The following TOX3 variants were observed in gnomAD, a reference collection of about 807,000 sequenced individuals.
TOX3 encodes TOX high mobility group box family member 3.
In TOX3, 22 loss-of-function variants were observed where a neutral mutation model predicts 64.3. That is an observed-to-expected ratio of 0.34 (90% CI 0.24 to 0.49). TOX3 has a LOEUF of 0.49. Among genes scored for constraint, TOX3 ranks in the 20% least tolerant of loss-of-function variants. The probability of loss-of-function intolerance (pLI) is 0.99; values close to 1 mark genes in which losing one functional copy is unlikely to be tolerated. For synonymous variants in TOX3, 291 were observed against 273.6 expected (o/e 1.06, Z -0.63); for missense variants, 661 against 714.4 (o/e 0.93, Z 0.85).
chr16:52,517,160 A>T (rs1481971423), intron 1 of TOX3, among the ~76,000 whole-genome samples: 1 of 152,212 alleles, frequency 6.6e-6, no homozygotes, highest in Non-Finnish European at 1.5e-5. Context: ...CCCTGCCATA[A>T]CTATCATTTA....
At chr16:52,450,600 G>A (rs1032865851) in intron 3 of TOX3, 54 bp from the exon 4 acceptor site, 82 of 1,605,534 alleles carry the variant, frequency 5.1e-5, no homozygotes, top group Non-Finnish European at 6.7e-5. Flanking sequence ...AGATATCAGT[G>A]AACTTATCAG....
Position 52,523,966 on chromosome 16 carries a change from G to A in TOX3, c.87+22671C>T, listed in dbSNP as rs1962668711. ...TGGAAGAATAAAAGAACTGTGAATTGAAGACATAAACTTTAAATTTAAGCA... is the reference window on the plus strand; with the variant it reads ...TGGAAGAATAAAAGAACTGTGAATTAAAGACATAAACTTTAAATTTAAGCA... On this transcript the variant is annotated intron_variant, in intron 1 of 6. Transcript: ENST00000219746. 2.0e-5 allele frequency among the ~76,000 whole-genome samples: 3 copies of A among 152,142 alleles called. No homozygotes were observed. In the South Asian group the frequency reaches 6.2e-4, roughly 32 times the overall value.
At chr16:52,463,502 A>AT (rs532784329) in intron 3 of TOX3, among the ~76,000 whole-genome samples, 24 of 152,270 alleles carry the variant, frequency 1.6e-4, no homozygotes, top group African/African-American at 5.8e-4. Context: ...TCAGTTTGGT[A>AT]TTTCATTTGC....
intron 1 of TOX3, among the ~76,000 whole-genome samples, chr16:52,485,674 C>T (rs751857653): frequency 3.3e-5 from 5 of 151,968 alleles, no homozygotes; most frequent in Non-Finnish European, 7.4e-5. Context: ...AAAAAGGAAG[C>T]ATATAGATGG....
Position 52,492,564 on chromosome 16 carries a change from AATATATAT to A in TOX3, c.88-23998_88-23991del, listed in dbSNP as rs56848244. Among the ~76,000 whole-genome samples, 306 of 90,682 alleles carry A rather than the reference AATATATAT, an allele frequency of 3.4e-3. 8 individuals are homozygous for A. The highest frequency in any genetic ancestry group is 0.013 in the African/African-American group (282 of 22,080). 59.5% of individuals were successfully genotyped at this position (90,682 alleles called of 152,430 possible). The stretch of plus-strand genomic sequence containing the variant: ...CACAACACTATATTAGTTGTATATA[AATATATAT>A]ATATATATATATATATATATATTCC... On this transcript the variant is annotated intron_variant, in intron 1 of 6. Transcript: ENST00000219746.
Position 52,453,927 on chromosome 16 carries a change from T to A in TOX3, c.409-3381A>T, listed in dbSNP as rs554748322. 2.6e-5 allele frequency among the ~76,000 whole-genome samples: 4 copies of A among 152,244 alleles called. No individual in the cohort carries two copies. In the East Asian group the frequency reaches 7.7e-4, roughly 29 times the overall value. ...GAGTTTTACTGTGTGTTTATTACTATGAGCCAGCATTTGTGCTAAGCTTAA... is the reference window on the plus strand; with the variant it reads ...GAGTTTTACTGTGTGTTTATTACTAAGAGCCAGCATTTGTGCTAAGCTTAA... On this transcript the variant is annotated intron_variant, in intron 3 of 6. Transcript: ENST00000219746.
In TOX3 at chr16:52,519,622, T is replaced by C. The variant is rs2151477853; in HGVS notation, c.87+27015A>G. On this transcript the variant is annotated intron_variant, in intron 1 of 6. Transcript: ENST00000219746. Reference sequence around the variant, plus strand: ...AAAACAACATGGTTGGGCAATCAGCTATTTGTCACACTGAGAAGACATCAC... The same window carrying C: ...AAAACAACATGGTTGGGCAATCAGCCATTTGTCACACTGAGAAGACATCAC... 4 of 1,401,332 alleles carry C rather than the reference T, an allele frequency of 2.9e-6. No individual in the cohort carries two copies. In the East Asian group the frequency reaches 7.7e-5, roughly 27 times the overall value. 86.8% of individuals were successfully genotyped at this position (1,401,332 alleles called of 1,614,324 possible). A position where few individuals can be genotyped will look rare whatever the true frequency, so the allele number is the denominator to read the frequency against.
intron 1 of TOX3, among the ~76,000 whole-genome samples, chr16:52,493,322 G>A (rs1024830858): frequency 6.6e-6 from 1 of 152,112 alleles, no homozygotes; most frequent in Non-Finnish European, 1.5e-5. Flanking sequence ...ATACATATCA[G>A]CCCTCTTCCT....
chr16:52,504,465 T>TCA (rs1962102698), intron 1 of TOX3, among the ~76,000 whole-genome samples: 1 of 41,820 alleles, frequency 2.4e-5, no homozygotes, highest in Non-Finnish European at 5.5e-5. Context: ...AGACTCCGTC[T>TCA]CAAAAAAAAA....
chr16:52,491,678 T>G (rs935331128), intron 1 of TOX3, among the ~76,000 whole-genome samples: 1 of 152,132 alleles, frequency 6.6e-6, no homozygotes, highest in African/African-American at 2.4e-5. Context: ...TTTTGCTCCC[T>G]CTTTTGTTCT....
intron 4 of TOX3, among the ~76,000 whole-genome samples, chr16:52,448,016 A>G (rs576043713): frequency 5.9e-5 from 9 of 152,236 alleles, no homozygotes; most frequent in African/African-American, 2.2e-4. Context: ...TCAAATGTCG[A>G]CCACCTTTGA....
At chr16:52,524,114 C>G (rs1251446120) in intron 1 of TOX3, among the ~76,000 whole-genome samples, 3 of 152,142 alleles carry the variant, frequency 2.0e-5, no homozygotes, top group Non-Finnish European at 4.4e-5. Context: ...AGCTGTTTAT[C>G]ACAGTTGGAT....
At chr16:52,541,109 G>C (rs1244313084) in intron 1 of TOX3, among the ~76,000 whole-genome samples, 1 of 152,010 alleles carries the variant, frequency 6.6e-6, no homozygotes, top group Non-Finnish European at 1.5e-5. Context: ...CCAGCCCTGG[G>C]CCCATGAATC....
chr16:52,500,632 C>A (rs1344572553), intron 1 of TOX3, among the ~76,000 whole-genome samples: 2 of 152,102 alleles, frequency 1.3e-5, no homozygotes, highest in African/African-American at 4.8e-5. Context: ...AATGCATATG[C>A]CAATATATCT....
At chr16:52,529,882 C>G (rs1962814913) in intron 1 of TOX3, among the ~76,000 whole-genome samples, 1 of 152,196 alleles carries the variant, frequency 6.6e-6, no homozygotes, top group Admixed American at 6.5e-5. Flanking sequence ...TCATAATCCT[C>G]TCAATACAAA....
At chr16:52,504,695 T>A (rs1177864543) in intron 1 of TOX3, among the ~76,000 whole-genome samples, 1 of 151,580 alleles carries the variant, frequency 6.6e-6, no homozygotes, top group Non-Finnish European at 1.5e-5. Context: ...GATGGACAAG[T>A]AAAGGATCAA....
chr16:52,468,418 T>TA, intron 2 of TOX3, 91 bp downstream of exon 2: 1 of 1,188,938 alleles, frequency 8.4e-7, no homozygotes, highest in Non-Finnish European at 1.2e-6. Flanking sequence ...AAGAGAGAGA[T>TA]AAATTTGATA....
At chr16:52,485,784 A>C (rs769387487) in intron 1 of TOX3, among the ~76,000 whole-genome samples, 4 of 152,148 alleles carry the variant, frequency 2.6e-5, no homozygotes, top group African/African-American at 7.2e-5. Context: ...TAATGGAGAG[A>C]AGAGAGCAAA....
At chr16:52,447,873 ATTC>A (rs1383599938) in intron 4 of TOX3, among the ~76,000 whole-genome samples, 1 of 152,278 alleles carries the variant, frequency 6.6e-6, no homozygotes, top group East Asian at 1.9e-4. Flanking sequence ...AAACAACTAT[ATTC>A]TTCTCCTGGA....
Sources: allele counts gnomAD v4.1 joint callset (sites outside exome capture counted in the v4.1 genomes callset), GRCh38; gene constraint gnomAD v4.1.1; transcripts MANE v1.5; gene names NCBI Gene and HGNC (gene_info 2026-07-23, HGNC 2026-07-21).